Variants in ASIP observed in about 807,000 individuals in gnomAD.
The protein encoded by ASIP is agouti-signaling protein.
A neutral mutation model predicts 10.3 loss-of-function variants in ASIP; 11 were observed. That is an observed-to-expected ratio of 1.07 (90% confidence interval 0.68 to 1.78). The LOEUF (loss-of-function observed/expected upper bound fraction) is 1.78. Among genes scored for constraint, ASIP ranks in the 40% most tolerant of loss-of-function variants. The pLI is 0.00. For synonymous variants in ASIP, 70 were observed against 70.8 expected (o/e 0.99, Z 0.06); for missense variants, 180 against 169.2 (o/e 1.06, Z -0.35).
chr20:34,262,806 T>A (rs771447427), intron 2 of ASIP, 26 bp from the exon 3 acceptor site: 14 of 1,613,478 alleles, frequency 8.7e-6, no homozygotes, highest in Non-Finnish European at 1.1e-5. Flanking sequence ...AACATCTGAC[T>A]TTGCTCCTTT....
chr20:34,221,236 G>C (rs2035045350), intron 1 of ASIP, among the ~76,000 whole-genome samples: 1 of 151,982 alleles, frequency 6.6e-6, no homozygotes, highest in Non-Finnish European at 1.5e-5. Context: ...AAATTAGCCG[G>C]GTGTGGTGGC....
At chr20:34,239,851 A>C (rs911278114), upstream of ASIP, among the ~76,000 whole-genome samples, 1 of 152,170 alleles carries the variant, frequency 6.6e-6, no homozygotes, top group African/African-American at 2.4e-5. Context: ...GAAAACAGAC[A>C]ATGTTTATTG....
intron 1 of ASIP, among the ~76,000 whole-genome samples, chr20:34,206,287 C>T (rs58176136): frequency 0.099 from 15,079 of 152,246 alleles, 2,478 homozygotes; most frequent in African/African-American, 0.34. Context: ...TGAGCTACCA[C>T]GCCCGGCCTC....
chr20:34,251,064 G>C (rs1189048458), intron 1 of ASIP, among the ~76,000 whole-genome samples: 1 of 152,006 alleles, frequency 6.6e-6, no homozygotes, highest in Non-Finnish European at 1.5e-5. Context: ...AATTGCACTG[G>C]ACCTGTACAA....
At chr20:34,266,528 C>G (rs1345440771) in intron 3 of ASIP, among the ~76,000 whole-genome samples, 1 of 151,896 alleles carries the variant, frequency 6.6e-6, no homozygotes, top group Non-Finnish European at 1.5e-5. Context: ...CAAAAATTAG[C>G]TGGGCGTGGT....
chr20:34,199,008 G>A (rs1480758983), intron 1 of ASIP, among the ~76,000 whole-genome samples: 1 of 151,900 alleles, frequency 6.6e-6, no homozygotes, highest in Non-Finnish European at 1.5e-5. Flanking sequence ...GCCTGTTTGG[G>A]GGCTTTATAT....
chr20:34,204,467 C>G (rs2034921982), intron 1 of ASIP, among the ~76,000 whole-genome samples: 1 of 152,166 alleles, frequency 6.6e-6, no homozygotes, highest in Non-Finnish European at 1.5e-5. Context: ...GATCTACCCA[C>G]TTTGGCCTCC....
chr20:34,221,356 C>A (rs536390804), intron 1 of ASIP, among the ~76,000 whole-genome samples: 2 of 150,536 alleles, frequency 1.3e-5, no homozygotes, highest in African/African-American at 4.9e-5. Context: ...CCAGCCTGGG[C>A]GACAGAGCGA....
intron 1 of ASIP, among the ~76,000 whole-genome samples, chr20:34,196,533 G>A (rs2122530760): frequency 6.6e-6 from 1 of 152,274 alleles, no homozygotes; most frequent in East Asian, 1.9e-4. Context: ...GGGAGGAGAT[G>A]CGGGCGGGAC....
the ASIP span, among the ~76,000 whole-genome samples, chr20:34,187,055 G>A: frequency 2.0e-5 from 3 of 152,094 alleles, no homozygotes; most frequent in African/African-American, 4.8e-5. Flanking sequence ...CTCATGATCC[G>A]AAGCAGTAGG....
At position 34,269,101 on chromosome 20, in the gene ASIP, C is replaced by T; in HGVS notation, c.333C>T (p.Cys111=). 1 of 1,567,382 alleles carries T rather than the reference C, an allele frequency of 6.4e-7. No individual in the cohort carries two copies. Among genetic ancestry groups the T allele is most frequent in the Non-Finnish European group, 8.6e-7 (1 of 1,157,092 alleles). The change falls in exon 4 of 4, where the codon TGC becomes TGT. Residue 111 remains cysteine (C), a synonymous_variant. Transcript: ENST00000374954. ...KPPAPACCDP[C]ASCQCRFFRS... ...CGGCACCCGCCTGCTGCGACCCGTG[C>T]GCCTCCTGCCAGTGCCGCTTCTTCC...
intron 1 of ASIP, among the ~76,000 whole-genome samples, chr20:34,201,331 G>C (rs1031063502): frequency 1.3e-5 from 2 of 152,148 alleles, no homozygotes; most frequent in African/African-American, 4.8e-5. Flanking sequence ...CTGTGTTTGA[G>C]TAAAGGTTAA....
intron 1 of ASIP, chr20:34,215,132 C>T (rs980865748): frequency 8.8e-6 from 14 of 1,584,700 alleles, no homozygotes; most frequent in African/African-American, 8.1e-5. Context: ...GGGTCCATTC[C>T]TTTATTTACA....
Position 34,269,067 on chromosome 20 carries a change from G to A in ASIP, c.299G>A (p.Cys100Tyr). The A allele has an allele frequency of 1.3e-6, 2 of 1,586,748 alleles. No homozygotes were observed. The highest frequency in any genetic ancestry group is 8.6e-7 in the Non-Finnish European group (1 of 1,167,018). Residue 100 changes from cysteine (C) to tyrosine (Y), a missense_variant, in exon 4 of 4, where the codon TGC becomes TAC. Coordinates refer to ENST00000374954, the MANE Select transcript of ASIP (RefSeq NM_001672.3). ...CCCTGCGTGGCCACCCGCAACAGCT[G>A]CAAGCCGCCGGCACCCGCCTGCTGC... is the stretch of plus-strand genomic sequence containing the variant. Reference protein sequence around the residue: ...SAPCVATRNSCKPPAPACCDP... With the variant: ...SAPCVATRNSYKPPAPACCDP...
chr20:34,262,576 G>A (rs1202055953), intron 2 of ASIP, among the ~76,000 whole-genome samples: 2 of 152,224 alleles, frequency 1.3e-5, no homozygotes, highest in African/African-American at 4.8e-5. Context: ...GAGTGTCACA[G>A]GCAGATCCCA....
chr20:34,262,762 C>T, intron 2 of ASIP, 70 bp from the exon 3 acceptor site: 1 of 1,565,532 alleles, frequency 6.4e-7, no homozygotes, highest in Non-Finnish European at 8.8e-7. Flanking sequence ...CCCCCTCTGC[C>T]CCTCTCACTT....
At chr20:34,258,823 T>C (rs2035636546) in intron 1 of ASIP, among the ~76,000 whole-genome samples, 1 of 121,356 alleles carries the variant, frequency 8.2e-6, no homozygotes, top group Admixed American at 1.1e-4. Flanking sequence ...TATAATACTA[T>C]ATATAGTATT....
At chr20:34,213,407 C>T (rs772454148) in intron 1 of ASIP, 2 of 737,198 alleles carry the variant, frequency 2.7e-6, no homozygotes, top group Non-Finnish European at 4.4e-6. Context: ...TTGCTATAAC[C>T]AACACCTGAA....
intron 1 of ASIP, among the ~76,000 whole-genome samples, chr20:34,249,424 C>A (rs2122628428): frequency 6.6e-6 from 1 of 152,046 alleles, no homozygotes; most frequent in African/African-American, 2.4e-5. Flanking sequence ...ACTGCTGAAA[C>A]TTTACTGAGT....
Sources: gnomAD v4.1 joint callset for allele counts (sites outside exome capture counted in the v4.1 genomes callset) on GRCh38, gnomAD v4.1.1 for gene constraint, MANE v1.5 for transcripts, NCBI Gene and HGNC (gene_info 2026-07-23, HGNC 2026-07-21) for gene names.